COL22A1: variants seen among roughly 807,000 people sequenced by gnomAD.
COL22A1 encodes collagen alpha-1(XXII) chain.
Under a neutral mutation model 248.9 loss-of-function variants are expected in COL22A1, and 221 were observed. The ratio of observed to expected loss-of-function variants is 0.89; its 90% confidence interval spans 0.80 to 0.99. The LOEUF (loss-of-function observed/expected upper bound fraction) is 0.99. COL22A1 is among the 50% of genes least tolerant of loss of function. The pLI is 0.00. For missense variants in COL22A1, 2,240 were observed against 2,179.0 expected (o/e 1.03, Z -0.56); for synonymous variants, 891 against 793.4 (o/e 1.12, Z -2.07).
intron 27 of COL22A1, among the ~76,000 whole-genome samples, chr8:138,719,833 G>A (rs538783076): frequency 6.6e-6 from 1 of 152,336 alleles, no homozygotes; most frequent in African/African-American, 2.4e-5. Flanking sequence ...AGTGGGAGGT[G>A]CAGAGTTGAC....
At chr8:138,868,727 T>C (rs1327220679) in intron 3 of COL22A1, among the ~76,000 whole-genome samples, 1 of 141,626 alleles carries the variant, frequency 7.1e-6, no homozygotes, top group Non-Finnish European at 1.6e-5. Context: ...GTGTCATCAT[T>C]GTCCTCCTTT....
intron 10 of COL22A1, among the ~76,000 whole-genome samples, chr8:138,807,315 C>A (rs930625527): frequency 6.6e-6 from 1 of 152,184 alleles, no homozygotes; most frequent in African/African-American, 2.4e-5. Context: ...AGGAATGAGA[C>A]CACTCTGTGA....
At chr8:138,635,878 TCTCA>T (rs1321877840) in intron 48 of COL22A1, among the ~76,000 whole-genome samples, 1 of 152,212 alleles carries the variant, frequency 6.6e-6, no homozygotes, top group Non-Finnish European at 1.5e-5. Flanking sequence ...ACTGCTCTCA[TCTCA>T]CTGCCTGTGG....
chr8:138,856,514 A>G (rs1483844415), intron 3 of COL22A1, among the ~76,000 whole-genome samples: 1 of 150,966 alleles, frequency 6.6e-6, no homozygotes, highest in Non-Finnish European at 1.5e-5. Flanking sequence ...GAGAGAGAGA[A>G]GCAGAGAAAG....
chr8:138,765,372 C>T (rs1209868516), intron 16 of COL22A1, among the ~76,000 whole-genome samples: 1 of 152,154 alleles, frequency 6.6e-6, no homozygotes, highest in Non-Finnish European at 1.5e-5. Context: ...TAGGGTGCAC[C>T]TTGTCCAAAG....
chr8:138,778,358 C>T lies in COL22A1; in HGVS notation c.1753G>A (p.Ala585Thr), dbSNP rs1563751402. Residue 585 changes from alanine (A) to threonine (T), a missense_variant, in exon 15 of 65, where the codon GCT (alanine) becomes ACT (threonine). Transcript: ENST00000303045. Reference protein sequence around the residue: ...GLPGPPGRVGAPGLQGERGEK... With the variant: ...GLPGPPGRVGTPGLQGERGEK... ...AGACAAGTGCCTTCACTTACAGGAG[C>T]TCCGACACGTCCAGGAGGTCCGGGG... 2 of 1,613,906 alleles carry T rather than the reference C, an allele frequency of 1.2e-6. No homozygotes were observed. The highest frequency in any genetic ancestry group is 1.1e-5 in the South Asian group (1 of 91,016).
At chr8:138,807,046 A>T (rs570477488) in intron 10 of COL22A1, among the ~76,000 whole-genome samples, 46 of 152,282 alleles carry the variant, frequency 3.0e-4, no homozygotes, top group African/African-American at 9.1e-4. Flanking sequence ...CAGGAGGAGA[A>T]ATAGGGGGGA....
At chr8:138,798,166 A>G (rs749669272) in intron 11 of COL22A1, among the ~76,000 whole-genome samples, 12 of 151,618 alleles carry the variant, frequency 7.9e-5, no homozygotes, top group Non-Finnish European at 1.2e-4. Context: ...TGTATCTTTG[A>G]ATCTAAAGTA....
At chr8:138,770,848 C>G (rs570378777) in intron 16 of COL22A1, among the ~76,000 whole-genome samples, 1 of 152,106 alleles carries the variant, frequency 6.6e-6, no homozygotes, top group Non-Finnish European at 1.5e-5. Flanking sequence ...TTCAGAGGTG[C>G]GGGCTCATCC....
chr8:138,694,344 T>C (rs961677649), intron 34 of COL22A1, among the ~76,000 whole-genome samples, 164 bp downstream of exon 34: 1 of 151,852 alleles, frequency 6.6e-6, no homozygotes, highest in Non-Finnish European at 1.5e-5. Flanking sequence ...GTCTGGGGCG[T>C]TTAGTGAGGG....
At chr8:138,684,505 C>T (rs760882226) in intron 38 of COL22A1, 36 bp from the exon 39 acceptor site, 1 of 1,525,506 alleles carries the variant, frequency 6.6e-7, no homozygotes, top group South Asian at 1.1e-5. Context: ...AATCATGGAG[C>T]TGAGAGTGAA....
chr8:138,819,554 TATATAG>T (rs950346407), intron 7 of COL22A1, among the ~76,000 whole-genome samples: 1 of 148,866 alleles, frequency 6.7e-6, no homozygotes, highest in African/African-American at 2.4e-5. Context: ...AATGTACCAT[TATATAG>T]ATATAAATTA....
intron 5 of COL22A1, among the ~76,000 whole-genome samples, chr8:138,831,243 C>G (rs187940348): frequency 6.6e-6 from 1 of 152,096 alleles, no homozygotes; most frequent in Non-Finnish European, 1.5e-5. Context: ...TATGAGCTGG[C>G]GTTCAAAGCC....
At chr8:138,873,144 A>AGTGTGGGGG (rs1823464987) in intron 3 of COL22A1, among the ~76,000 whole-genome samples, 1 of 152,104 alleles carries the variant, frequency 6.6e-6, no homozygotes, top group African/African-American at 2.4e-5. Flanking sequence ...GTCCCCTGCA[A>AGTGTGGGGG]TCCTGGACAG....
At chr8:138,757,001 A>G (rs1332259124) in intron 18 of COL22A1, among the ~76,000 whole-genome samples, 1 of 152,086 alleles carries the variant, frequency 6.6e-6, no homozygotes, top group African/African-American at 2.4e-5. Flanking sequence ...ACGCTTCTCT[A>G]TTCTGTTTTA....
chr8:138,877,676 C>G lies in COL22A1; in HGVS notation c.658+74G>C. On this transcript the variant is annotated intron_variant, in intron 3 of 64. Coordinates refer to ENST00000303045, the MANE Select transcript of COL22A1 (RefSeq NM_152888.3). ...GCCGGCCGTAGGATCCCTATCTGCC[C>G]GAGGACCCCTCCCGTGGGCTCAGCA... is the stretch of plus-strand genomic sequence containing the variant. 1.2e-5 allele frequency: 17 copies of G among 1,432,010 alleles called. 1 individual carries two copies. Among genetic ancestry groups the G allele is most frequent in the East Asian group, 2.4e-5 (1 of 41,972 alleles). 88.7% of individuals were successfully genotyped at this position (1,432,010 alleles called of 1,614,324 possible).
intron 40 of COL22A1, among the ~76,000 whole-genome samples, chr8:138,679,123 A>T (rs563502094): frequency 6.6e-6 from 1 of 152,182 alleles, no homozygotes; most frequent in African/African-American, 2.4e-5. Flanking sequence ...TCATTATGTT[A>T]TCTAGGCTAG....
intron 9 of COL22A1, among the ~76,000 whole-genome samples, chr8:138,811,322 CAT>C (rs1445158865): frequency 2.7e-5 from 4 of 148,920 alleles, no homozygotes; most frequent in African/African-American, 9.9e-5. Context: ...CATACACACA[CAT>C]ATATACACAC....
At chr8:138,625,850 TTA>T (rs1032978132) in intron 51 of COL22A1, among the ~76,000 whole-genome samples, 6 of 152,178 alleles carry the variant, frequency 3.9e-5, no homozygotes, top group Middle Eastern at 3.4e-3. Flanking sequence ...ATTAACACAG[TTA>T]TATATATATG....
Sources: gnomAD v4.1 joint callset for allele counts (sites outside exome capture counted in the v4.1 genomes callset) on GRCh38, gnomAD v4.1.1 for gene constraint, MANE v1.5 for transcripts, NCBI Gene and HGNC (gene_info 2026-07-23, HGNC 2026-07-21) for gene names.